TRPA1: variants seen among roughly 807,000 people sequenced by gnomAD.
The protein encoded by TRPA1 is transient receptor potential cation channel subfamily A member 1.
In TRPA1, 129 loss-of-function variants were observed where a neutral mutation model predicts 131.3. The observed-to-expected ratio is 0.98, with a 90% confidence interval of 0.85 to 1.14. TRPA1 has a LOEUF of 1.14. Among genes scored for constraint, TRPA1 ranks in the 50% most tolerant of loss-of-function variants. The probability of loss-of-function intolerance (pLI) is 0.00; values close to 1 mark genes in which losing one functional copy is unlikely to be tolerated. For synonymous variants in TRPA1, 441 were observed against 451.7 expected, an observed-to-expected ratio of 0.98 and a Z score of 0.30; for missense variants, 1,304 against 1,354.2, an observed-to-expected ratio of 0.96 and a Z score of 0.58.
chr8:72,053,007 AAGAGAGAGAGAGAGAGAG>A (rs57169742), intron 13 of TRPA1: 8 of 232,046 alleles, frequency 3.4e-5, no homozygotes, highest in Admixed American at 1.1e-4. Context: ...GAGATAGAGA[AAGAGAGAGAGAGAGAGAG>A]AGAGAGAGAG....
At chr8:72,032,408 T>C (rs1267682465) in intron 23 of TRPA1, among the ~76,000 whole-genome samples, 1 of 152,122 alleles carries the variant, frequency 6.6e-6, no homozygotes, top group African/African-American at 2.4e-5. Flanking sequence ...GCCAAAGAAT[T>C]ATTGAAAGAA....
At position 72,063,051 on chromosome 8, in the gene TRPA1, G is replaced by A. The variant is rs553358284; in HGVS notation, c.662-107C>T. ...GGTAAAAAAACAATGAAAGGGCACCGAGACACATAAAAGCTTGTGTTTAAT... is the reference window on the plus strand; with the variant it reads ...GGTAAAAAAACAATGAAAGGGCACCAAGACACATAAAAGCTTGTGTTTAAT... On this transcript the variant is annotated intron_variant, in intron 5 of 26. Transcript: ENST00000262209. 5.6e-5 allele frequency: 61 copies of A among 1,092,510 alleles called. No individual in the cohort carries two copies. The South Asian group carries it at 5.8e-4, about 10-fold the overall frequency. 67.7% of individuals were successfully genotyped at this position (1,092,510 alleles called of 1,614,324 possible).
Position 72,050,824 on chromosome 8 carries a change from T to G in TRPA1, c.1859A>C (p.Lys620Thr). 6.2e-7 allele frequency: 1 copy of G among 1,612,186 alleles called. No individual in the cohort carries two copies. Among genetic ancestry groups the G allele is most frequent in the African/African-American group, 1.3e-5 (1 of 74,990 alleles). The change falls in exon 15 of 27, where the codon AAA (lysine) becomes ACA (threonine). Residue 620 changes from lysine to threonine, a missense_variant. Transcript: ENST00000262209. ...KIFSHNSPGNKCPITEMIEYL... is the reference protein window; with the variant it reads ...KIFSHNSPGNTCPITEMIEYL... ...TTCTATCATTTCTGTAATTGGACAT[T>G]TATTGCCTGGAGAATTATGACTGAA...
At chr8:72,075,687 C>A (rs1317611070), upstream of TRPA1, 2 of 488,562 alleles carry the variant, frequency 4.1e-6, no homozygotes, top group Admixed American at 3.3e-5. Flanking sequence ...GCGGCGGCGC[C>A]GCGTCTGCCT....
Position 72,022,879 on chromosome 8 carries a change from TA to T in TRPA1, c.*26del. The T allele has an allele frequency of 6.2e-7, 1 of 1,606,746 alleles. No individual in the cohort carries two copies. The highest frequency in any genetic ancestry group is 8.5e-7 in the Non-Finnish European group (1 of 1,173,930). On this transcript the variant is annotated 3_prime_UTR_variant, in exon 27 of 27. Coordinates refer to ENST00000262209, the MANE Select transcript of TRPA1 (RefSeq NM_007332.3). ...AACCAGCAAGTCATGCACCCCCCAT[TA>T]GAAGCCTCACTGAAGGTCTGAGGAG...
intron 23 of TRPA1, 121 bp from the exon 24 acceptor site, chr8:72,030,090 A>T: frequency 1.1e-6 from 1 of 924,696 alleles, no homozygotes; most frequent in South Asian, 1.4e-5. Flanking sequence ...GTAGTGTATA[A>T]ATAGCATAAG....
At chr8:72,025,433 CTG>C (rs940918159) in intron 25 of TRPA1, among the ~76,000 whole-genome samples, 1 of 152,138 alleles carries the variant, frequency 6.6e-6, no homozygotes, top group Non-Finnish European at 1.5e-5. Context: ...CCATGCAGAA[CTG>C]TGAGTCAATT....
intron 17 of TRPA1, among the ~76,000 whole-genome samples, chr8:72,042,890 G>T (rs1408135733): frequency 6.6e-6 from 1 of 151,938 alleles, no homozygotes; most frequent in East Asian, 1.9e-4. Context: ...TAGAAGGGTG[G>T]TTGCCAAGGG....
At chr8:72,051,492 C>T (rs984452376) in intron 14 of TRPA1, among the ~76,000 whole-genome samples, 1 of 152,072 alleles carries the variant, frequency 6.6e-6, no homozygotes, top group Non-Finnish European at 1.5e-5. Flanking sequence ...AAGATCTTAT[C>T]TAATTTTCTG....
At position 72,029,942 on chromosome 8, in the gene TRPA1, C is replaced by T; in HGVS notation, c.2896G>A (p.Glu966Lys). The T allele has an allele frequency of 6.2e-7, 1 of 1,613,928 alleles. No homozygotes were observed. Among genetic ancestry groups the T allele is most frequent in the Non-Finnish European group, 8.5e-7 (1 of 1,179,850 alleles). ...LIGLAVGDIAEVQKHASLKRI... is the reference protein window; with the variant it reads ...LIGLAVGDIAKVQKHASLKRI... ...TTCAATGATGCATGTTTCTGGACCT[C>T]AGCAATGTCGCCAACTGCCAAACCA... The change falls in exon 24 of 27, where the codon GAG becomes AAG. Residue 966 changes from glutamate (E) to lysine (K), a missense_variant. Physicochemically the swap from Glu to Lys is moderately conservative, Grantham distance 56. Transcript: ENST00000262209.
At chr8:72,068,439 C>A (rs1192881911) in intron 3 of TRPA1, among the ~76,000 whole-genome samples, 2 of 152,252 alleles carry the variant, frequency 1.3e-5, no homozygotes, top group African/African-American at 4.8e-5. Context: ...CCTTGAAAAC[C>A]AATAGGATGT....
intron 23 of TRPA1, among the ~76,000 whole-genome samples, chr8:72,033,020 C>T (rs1276400728): frequency 1.3e-5 from 2 of 152,172 alleles, no homozygotes; most frequent in Admixed American, 6.5e-5. Flanking sequence ...TGAGCAGATT[C>T]TGTAGAGAAT....
upstream of TRPA1, among the ~76,000 whole-genome samples, chr8:72,077,306 G>A (rs113192865): frequency 0.037 from 5,520 of 150,978 alleles, 362 homozygotes; most frequent in African/African-American, 0.13. Flanking sequence ...GGGGGGCAGC[G>A]TGGGCCAGTG....
At chr8:72,082,994 T>C in the TRPA1 span, among the ~76,000 whole-genome samples, 1 of 152,060 alleles carries the variant, frequency 6.6e-6, no homozygotes. Context: ...TAGTCTTTTT[T>C]ATCTCTGCTT....
rs749393960 is a variant in TRPA1 at position 72,021,597 on chromosome 8, A to C, written c.*1309T>G. 3.3e-5 allele frequency: 5 copies of C among 151,930 alleles called. No individual in the cohort carries two copies. The highest frequency in any genetic ancestry group is 5.9e-5 in the Non-Finnish European group (4 of 67,978). The allele number at this position is 151,930 out of a possible 1,614,324, so 9.4% of individuals were successfully genotyped here. A position where few individuals can be genotyped will look rare whatever the true frequency, so the allele number is the denominator to read the frequency against. On this transcript the variant is annotated 3_prime_UTR_variant, in exon 27 of 27. Coordinates refer to ENST00000262209, the MANE Select transcript of TRPA1 (RefSeq NM_007332.3). ...TTTGTAATAGTACATATCGTCCCTC[A>C]GCACTCTGCTGGTTTGTATGAACAT...
the TRPA1 span, among the ~76,000 whole-genome samples, chr8:72,081,247 C>G: frequency 4.0e-5 from 6 of 151,796 alleles, no homozygotes; most frequent in African/African-American, 7.2e-5. Context: ...TTCTTTGGCT[C>G]ACAAATTACT....
the TRPA1 span, among the ~76,000 whole-genome samples, chr8:72,085,978 G>A: frequency 2.0e-5 from 3 of 152,036 alleles, no homozygotes; most frequent in Admixed American, 6.6e-5. Context: ...TTGGCTCACC[G>A]CAACCTCTGC....
At position 72,075,446 on chromosome 8, in the gene TRPA1, A is replaced by C. The variant is rs780291142; in HGVS notation, c.-37T>G. On this transcript the variant is annotated 5_prime_UTR_variant, in exon 1 of 27. Coordinates refer to ENST00000262209, the MANE Select transcript of TRPA1 (RefSeq NM_007332.3). ...CGGACGCCACCTGGTGCAGCTGCTC[A>C]CCACGCGCGCGGGCACCTGGGGCGA... 1.1e-5 allele frequency: 17 copies of C among 1,544,308 alleles called. No individual in the cohort carries two copies. The highest frequency in any genetic ancestry group is 4.5e-5 in the East Asian group (2 of 44,604).
intron 26 of TRPA1, 47 bp from the exon 27 acceptor site, chr8:72,023,163 T>C (rs1811457886): frequency 1.3e-6 from 2 of 1,561,930 alleles, no homozygotes; most frequent in East Asian, 2.3e-5. Flanking sequence ...GTTCTTCTTT[T>C]AGCCCTTCTG....
Sources: gnomAD v4.1 joint callset for allele counts (sites outside exome capture counted in the v4.1 genomes callset) on GRCh38, gnomAD v4.1.1 for gene constraint, MANE v1.5 for transcripts, NCBI Gene and HGNC (gene_info 2026-07-23, HGNC 2026-07-21) for gene names.